Variants in KIDINS220 observed in about 807,000 individuals in gnomAD.
The protein encoded by KIDINS220 is kinase D interacting substrate 220, also known as kinase D-interacting substrate of 220 kDa.
Under a neutral mutation model 157.6 loss-of-function variants are expected in KIDINS220, and 63 were observed. The observed-to-expected ratio is 0.40, with a 90% CI of 0.33 to 0.49. The LOEUF is 0.49. KIDINS220 is among the 20% of genes least tolerant of loss of function. The pLI is 0.66. For missense variants in KIDINS220, 1,772 were observed against 2,171.2 expected, an observed-to-expected ratio of 0.82 and a Z score of 3.65; for synonymous variants, 732 against 783.6, an observed-to-expected ratio of 0.93 and a Z score of 1.10.
chr2:8,826,174 T>G (rs1474576005), intron 2 of KIDINS220, among the ~76,000 whole-genome samples: 1 of 152,208 alleles, frequency 6.6e-6, no homozygotes, highest in South Asian at 2.1e-4. Flanking sequence ...AGGAGAAATA[T>G]CTCATTTGAG....
intron 8 of KIDINS220, 87 bp downstream of exon 8, chr2:8,802,843 C>A: frequency 2.0e-6 from 2 of 1,001,802 alleles, no homozygotes. Flanking sequence ...TTATGTCATG[C>A]ATGAGAATCT....
intron 26 of KIDINS220, among the ~76,000 whole-genome samples, chr2:8,738,308 A>G (rs1665168430): frequency 1.3e-5 from 2 of 152,362 alleles, no homozygotes; most frequent in South Asian, 4.1e-4. Flanking sequence ...CAGTGAGTGC[A>G]CACATGATCC....
intron 1 of KIDINS220, among the ~76,000 whole-genome samples, chr2:8,827,903 A>AG (rs1679054224): frequency 6.6e-6 from 1 of 152,134 alleles, no homozygotes; most frequent in Admixed American, 6.5e-5. Context: ...CCCCACCGTC[A>AG]GAGATTCTGA....
intron 22 of KIDINS220, among the ~76,000 whole-genome samples, chr2:8,758,142 C>A (rs535462590): frequency 6.6e-6 from 1 of 152,188 alleles, no homozygotes; most frequent in South Asian, 2.1e-4. Flanking sequence ...GGATTACAGG[C>A]GTGAGCCACT....
chr2:8,783,438 C>T (rs1339672935), intron 17 of KIDINS220, among the ~76,000 whole-genome samples: 2 of 152,184 alleles, frequency 1.3e-5, no homozygotes, highest in East Asian at 3.9e-4. Context: ...TTTCTTACCA[C>T]TCCTTTTCAA....
At position 8,785,787 on chromosome 2, in the gene KIDINS220, T is replaced by C. The variant is rs1672315548; in HGVS notation, c.2183A>G (p.Asn728Ser). The C allele has an allele frequency of 2.5e-6, 4 of 1,613,898 alleles. No homozygotes were observed. Among genetic ancestry groups the C allele is most frequent in the Non-Finnish European group, 3.4e-6 (4 of 1,179,994 alleles). ...LLNSQRKRLH[N>S]AASKLHKLKS... ...CAATTTGTGCAGTTTGGAGGCTGCA[T>C]TATGGAGGCGTTTTCTTTGGGAATT... Residue 728 changes from asparagine (N) to serine (S), a missense_variant, in exon 17 of 30, where the codon AAT (asparagine) becomes AGT (serine). Around this residue, in one of 3 missense-constraint regions of KIDINS220, gnomAD observed 725 missense variants for 1,017.1 expected, o/e 0.71. Coordinates refer to ENST00000256707, the MANE Select transcript of KIDINS220 (RefSeq NM_020738.4).
chr2:8,751,676 T>C (rs1178626835), intron 22 of KIDINS220, 32 bp from the exon 23 acceptor site: 1 of 1,439,316 alleles, frequency 6.9e-7, no homozygotes, highest in East Asian at 2.3e-5. Context: ...AAAAGGTTAT[T>C]AATGTCACTA....
At chr2:8,776,462 A>T (rs1243193677) in intron 21 of KIDINS220, among the ~76,000 whole-genome samples, 1 of 152,220 alleles carries the variant, frequency 6.6e-6, no homozygotes, top group Non-Finnish European at 1.5e-5. Flanking sequence ...TCAGTAATAC[A>T]AATCAGAATA....
At chr2:8,764,718 G>A (rs563491508) in intron 22 of KIDINS220, among the ~76,000 whole-genome samples, 9 of 152,294 alleles carry the variant, frequency 5.9e-5, no homozygotes, top group African/African-American at 1.9e-4. Context: ...TTCTCTTCAA[G>A]ATAAAGTGAG....
chr2:8,763,354 G>C (rs1356764317), intron 22 of KIDINS220, among the ~76,000 whole-genome samples: 1 of 152,202 alleles, frequency 6.6e-6, no homozygotes, highest in East Asian at 1.9e-4. Context: ...GGCAGTACCA[G>C]CTGAGCATCC....
At chr2:8,824,987 TAGAA>T in intron 2 of KIDINS220, among the ~76,000 whole-genome samples, 1 of 152,116 alleles carries the variant, frequency 6.6e-6, no homozygotes, top group African/African-American at 2.4e-5. Context: ...TTCATACAAA[TAGAA>T]AGTAAAACGG....
At chr2:8,726,217 T>C (rs1013600804), downstream of KIDINS220, among the ~76,000 whole-genome samples, 4 of 152,206 alleles carry the variant, frequency 2.6e-5, no homozygotes, top group African/African-American at 9.7e-5. Flanking sequence ...CACACTGTAC[T>C]GGGAATTCAG....
rs1182717087 is a variant in KIDINS220, at chr2:8,778,949, T to G, written c.2561A>C (p.Lys854Thr). ...ATTTGTTGCTGAAGTTACGAGAAAT[T>G]TTCTTGCATTGCTTAGTCCACGACT... ...LNSRGLSNAR[K>T]FLVTSATNGD... Residue 854 changes from lysine to threonine, a missense_variant, in exon 19 of 30, where the codon AAA becomes ACA. Physicochemically the swap from Lys to Thr is moderately conservative, Grantham distance 78 (BLOSUM62 -1). Around this residue, in one of 3 missense-constraint regions of KIDINS220, gnomAD observed 725 missense variants for 1,017.1 expected, o/e 0.71. Coordinates refer to ENST00000256707, the MANE Select transcript of KIDINS220 (RefSeq NM_020738.4). The G allele has an allele frequency of 6.2e-7, 1 of 1,614,148 alleles. No individual in the cohort carries two copies. The highest frequency in any genetic ancestry group is 8.5e-7 in the Non-Finnish European group (1 of 1,180,014).
chr2:8,750,290 T>C lies in KIDINS220; in HGVS notation c.3236A>G (p.Tyr1079Cys), dbSNP rs760475551. Residue 1079 changes from tyrosine (Y) to cysteine (C), a missense_variant, in exon 24 of 30, where the codon TAC becomes TGC. By Grantham distance (194) the Tyr-to-Cys change is radical (BLOSUM62 -2). Coordinates refer to ENST00000256707, the MANE Select transcript of KIDINS220 (RefSeq NM_020738.4). The part of the protein sequence containing the change: ...REQISIGGLA[Y>C]PPLPLHEGPP... ...ACCCTCATGTAGAGGGAGCGGGGGG[T>C]ACGCCAGTCCTCCAATACTGATCTG... 1.2e-6 allele frequency: 2 copies of C among 1,612,480 alleles called. No homozygotes were observed. The highest frequency in any genetic ancestry group is 1.7e-6 in the Non-Finnish European group (2 of 1,179,294).
intron 12 of KIDINS220, among the ~76,000 whole-genome samples, chr2:8,791,519 T>C (rs1035352883): frequency 2.6e-5 from 4 of 152,232 alleles, no homozygotes; most frequent in Non-Finnish European, 5.9e-5. Flanking sequence ...ATCATTTTTA[T>C]GTATAACTAA....
rs528478206 is a variant in KIDINS220 at position 8,757,916 on chromosome 2, G to A, written c.3012-6272C>T. 3.2e-5 allele frequency: 25 copies of A among 770,126 alleles called. No individual in the cohort carries two copies. In the African/African-American group the frequency reaches 3.8e-4, roughly 12 times the overall value. 47.7% of individuals were successfully genotyped at this position (770,126 alleles called of 1,614,324 possible). A position where few individuals can be genotyped will look rare whatever the true frequency, so the allele number is the denominator to read the frequency against. On this transcript the variant is annotated intron_variant, in intron 22 of 29. Coordinates refer to ENST00000256707, the MANE Select transcript of KIDINS220 (RefSeq NM_020738.4). The stretch of plus-strand genomic sequence containing the variant: ...TCACTCTTGTTGCCCAGGCTGGAGT[G>A]CAGTGGTGCAATCTCGGCTCACTGC...
rs1272246031 is a variant in KIDINS220 at position 8,780,585 on chromosome 2, T to C, written c.2230-771A>G. ...GTGTGTATAATGTACATATTATGTATGCTTATAAATGTAAATGAAATTAGT... is the reference window on the plus strand; with the variant it reads ...GTGTGTATAATGTACATATTATGTACGCTTATAAATGTAAATGAAATTAGT... On this transcript the variant is annotated intron_variant, in intron 17 of 29. Transcript: ENST00000256707. 2.0e-5 allele frequency among the ~76,000 whole-genome samples: 3 copies of C among 151,638 alleles called. No homozygotes were observed. In the East Asian group the frequency reaches 5.8e-4, roughly 29 times the overall value.
At chr2:8,836,814 C>G (rs1680477114) in intron 1 of KIDINS220, among the ~76,000 whole-genome samples, 1 of 152,158 alleles carries the variant, frequency 6.6e-6, no homozygotes, top group Non-Finnish European at 1.5e-5. Context: ...TTTTAACAAG[C>G]GCCCATAGGG....
chr2:8,734,685 A>G lies in KIDINS220; in HGVS notation c.3786T>C (p.Asn1262=). The G allele has an allele frequency of 6.2e-7, 1 of 1,613,016 alleles. No homozygotes were observed. The highest frequency in any genetic ancestry group is 8.5e-7 in the Non-Finnish European group (1 of 1,179,374). Residue 1262 remains asparagine, a synonymous_variant, in exon 28 of 30, where the codon AAT becomes AAC. Transcript: ENST00000256707. The part of the protein sequence containing the change: ...IDELKKEMNM[N]FGDWHLFRST... Reference sequence around the variant, plus strand: ...TTCTGAAAAGGTGCCAGTCTCCAAAATTCATATTCATCTCTTTCTTCAGCT... The same window carrying G: ...TTCTGAAAAGGTGCCAGTCTCCAAAGTTCATATTCATCTCTTTCTTCAGCT...
Sources: gnomAD v4.1 joint callset for allele counts (sites outside exome capture counted in the v4.1 genomes callset) on GRCh38, gnomAD v4.1.1 for gene constraint, gnomAD v4.1.1 regional missense constraint, MANE v1.5 for transcripts, NCBI Gene and HGNC (gene_info 2026-07-23, HGNC 2026-07-21) for gene names.